The following SMOC2 variants were observed in gnomAD, a reference collection of about 807,000 sequenced individuals.
The protein encoded by SMOC2 is SPARC-related modular calcium-binding protein 2.
Under a neutral mutation model 61.4 loss-of-function variants are expected in SMOC2, and 39 were observed. The ratio of observed to expected loss-of-function variants is 0.64; its 90% confidence interval spans 0.49 to 0.83. The LOEUF (loss-of-function observed/expected upper bound fraction) is 0.83. SMOC2 is among the 40% of genes least tolerant of loss of function. The probability of loss-of-function intolerance (pLI) is 0.00; values close to 1 mark genes in which losing one functional copy is unlikely to be tolerated. For synonymous variants in SMOC2, 247 were observed against 239.9 expected, an observed-to-expected ratio of 1.03 and a Z score of -0.27; for missense variants, 556 against 592.9, an observed-to-expected ratio of 0.94 and a Z score of 0.65.
At chr6:168,497,219 C>T (rs568401769) in intron 1 of SMOC2, among the ~76,000 whole-genome samples, 2 of 152,212 alleles carry the variant, frequency 1.3e-5, no homozygotes, top group Admixed American at 1.3e-4. Context: ...CAGAGGAGCC[C>T]GGTGGTCACT....
At chr6:168,642,910 G>A (rs978177121) in intron 9 of SMOC2, among the ~76,000 whole-genome samples, 15 of 152,090 alleles carry the variant, frequency 9.9e-5, no homozygotes, top group South Asian at 2.1e-4. Flanking sequence ...GAAACATCTC[G>A]CACCCCTTTC....
intron 4 of SMOC2, among the ~76,000 whole-genome samples, chr6:168,534,901 A>G (rs1403865830): frequency 6.6e-6 from 1 of 152,188 alleles, no homozygotes; most frequent in Non-Finnish European, 1.5e-5. Context: ...TTGGAAGTAA[A>G]TGGCCCCAAT....
intron 9 of SMOC2, among the ~76,000 whole-genome samples, chr6:168,643,156 C>T (rs1042276704): frequency 6.6e-6 from 1 of 152,182 alleles, no homozygotes; most frequent in Non-Finnish European, 1.5e-5. Flanking sequence ...CGCCTCACAG[C>T]CCCTTCCCTG....
chr6:168,592,036 T>C (rs575766664), intron 7 of SMOC2, among the ~76,000 whole-genome samples: 1 of 152,340 alleles, frequency 6.6e-6, no homozygotes, highest in African/African-American at 2.4e-5. Flanking sequence ...TGAACTTTGG[T>C]TCCTTGTCCC....
chr6:168,525,491 CTCTGTATT>C (rs1474848306), intron 2 of SMOC2, among the ~76,000 whole-genome samples: 1 of 152,166 alleles, frequency 6.6e-6, no homozygotes, highest in Non-Finnish European at 1.5e-5. Flanking sequence ...CTTTTCATGT[CTCTGTATT>C]TCTGAATTAG....
intron 9 of SMOC2, among the ~76,000 whole-genome samples, chr6:168,641,408 C>T (rs2115261585): frequency 6.6e-6 from 1 of 152,278 alleles, no homozygotes; most frequent in East Asian, 1.9e-4. Flanking sequence ...TCAAAAGCTC[C>T]TTGAGGGCAA....
chr6:168,560,510 C>T lies in SMOC2; in HGVS notation c.637+11307C>T, dbSNP rs540623671. Among the ~76,000 whole-genome samples the T allele has an allele frequency of 2.3e-3, 338 of 146,360 alleles. 14 individuals are homozygous for T. The highest frequency in any genetic ancestry group is 8.2e-3 in the African/African-American group (326 of 39,952). Reference sequence around the variant, plus strand: ...ACCTTTCTGGCCCTGAGATGTGAGGCTCTCACTGCGTTCTTGGAGGAGGTG... The same window carrying T: ...ACCTTTCTGGCCCTGAGATGTGAGGTTCTCACTGCGTTCTTGGAGGAGGTG... On this transcript the variant is annotated intron_variant, in intron 7 of 12. Transcript: ENST00000356284.
At chr6:168,600,987 G>A (rs1376938365) in intron 8 of SMOC2, among the ~76,000 whole-genome samples, 1 of 152,168 alleles carries the variant, frequency 6.6e-6, no homozygotes, top group Non-Finnish European at 1.5e-5. Context: ...ATTTGACTTC[G>A]ATGTGTCCTA....
intron 7 of SMOC2, among the ~76,000 whole-genome samples, chr6:168,592,040 T>C (rs11756050): frequency 0.21 from 32,281 of 152,158 alleles, 3,799 homozygotes; most frequent in South Asian, 0.28. Context: ...CTTTGGTTCC[T>C]TGTCCCCACT....
At chr6:168,613,856 G>A (rs1445528790) in intron 9 of SMOC2, among the ~76,000 whole-genome samples, 2 of 96,500 alleles carry the variant, frequency 2.1e-5, no homozygotes, top group Admixed American at 1.0e-4. Context: ...CAGCACAGGG[G>A]GCCTCTTCAC....
chr6:168,531,340 G>T (rs1160766797), intron 4 of SMOC2, among the ~76,000 whole-genome samples: 1 of 152,180 alleles, frequency 6.6e-6, no homozygotes, highest in Non-Finnish European at 1.5e-5. Context: ...TTTCTGTATG[G>T]GTGTCAATAT....
intron 7 of SMOC2, among the ~76,000 whole-genome samples, chr6:168,549,894 T>C (rs1359387337): frequency 1.3e-5 from 2 of 152,248 alleles, no homozygotes; most frequent in Non-Finnish European, 2.9e-5. Context: ...ATTTCAGAGA[T>C]GTTAAAACAC....
intron 7 of SMOC2, among the ~76,000 whole-genome samples, chr6:168,583,580 C>A (rs1037340480): frequency 1.3e-5 from 2 of 152,220 alleles, no homozygotes; most frequent in African/African-American, 4.8e-5. Context: ...CTTCCTTGCA[C>A]TAATCAGCAA....
At position 168,452,175 on chromosome 6, in the gene SMOC2, A is replaced by G. The variant is rs1185001963; in HGVS notation, c.84+10721A>G. Among the ~76,000 whole-genome samples, 2 of 152,256 alleles carry G rather than the reference A, an allele frequency of 1.3e-5. No individual in the cohort carries two copies. Among genetic ancestry groups the G allele is most frequent in the Non-Finnish European group, 2.9e-5 (2 of 68,056 alleles). ...CAAGTGAGTTCAACTTTCCAGCTTT[A>G]AAGAATTGGCTCATGATGCAGAATG... On this transcript the variant is annotated intron_variant, in intron 1 of 12. Coordinates refer to ENST00000356284, the MANE Select transcript of SMOC2 (RefSeq NM_001166412.2). The surrounding 1 kb of genome is among the most constrained non-coding windows in gnomAD (Gnocchi z 5.0).
chr6:168,534,313 C>T (rs1016831401), intron 4 of SMOC2, among the ~76,000 whole-genome samples: 1 of 152,156 alleles, frequency 6.6e-6, no homozygotes, highest in South Asian at 2.1e-4. Context: ...AAGTGTTCAA[C>T]TGATACTAAA....
chr6:168,517,286 C>T (rs1346959429), intron 2 of SMOC2, among the ~76,000 whole-genome samples: 1 of 152,184 alleles, frequency 6.6e-6, no homozygotes, highest in East Asian at 1.9e-4. Flanking sequence ...CCCCTGTGGC[C>T]AGCGGCGCCG....
chr6:168,587,617 G>A (rs916058599), intron 7 of SMOC2, among the ~76,000 whole-genome samples: 1 of 152,178 alleles, frequency 6.6e-6, no homozygotes, highest in Non-Finnish European at 1.5e-5. Flanking sequence ...GCCCTAGTCT[G>A]GCTCAGTGAA....
At chr6:168,540,467 C>T (rs1412452570) in intron 4 of SMOC2, among the ~76,000 whole-genome samples, 2 of 152,178 alleles carry the variant, frequency 1.3e-5, no homozygotes, top group African/African-American at 2.4e-5. Flanking sequence ...TAGGTCCATT[C>T]AGCTGTACTT....
chr6:168,503,458 C>T (rs1335694765), intron 1 of SMOC2, among the ~76,000 whole-genome samples: 1 of 152,106 alleles, frequency 6.6e-6, no homozygotes, highest in South Asian at 2.1e-4. Context: ...TCTCTGTGCT[C>T]CTGTGAGGCA....
Sources: allele counts gnomAD v4.1 joint callset (sites outside exome capture counted in the v4.1 genomes callset), GRCh38; gene constraint gnomAD v4.1.1; non-coding constraint Gnocchi (gnomAD v3.1); transcripts MANE v1.5; gene names NCBI Gene and HGNC (gene_info 2026-07-23, HGNC 2026-07-21).